Variants in FBN2 observed in about 807,000 individuals in gnomAD.
The protein encoded by FBN2 is fibrillin 2.
Under a neutral mutation model 355.6 loss-of-function variants are expected in FBN2, and 105 were observed. That is an observed-to-expected ratio of 0.30 (90% CI 0.25 to 0.35). FBN2 has a LOEUF of 0.35. Ranked by LOEUF, FBN2 falls within the 10% of genes least tolerant of loss-of-function variation. FBN2 has a pLI of 1.00. For synonymous variants in FBN2, 1,350 were observed against 1,301.2 expected, an observed-to-expected ratio of 1.04 and a Z score of -0.81; for missense variants, 3,280 against 3,758.7, an observed-to-expected ratio of 0.87 and a Z score of 3.33.
At chr5:128,416,697 T>C (rs1440105020) in intron 7 of FBN2, among the ~76,000 whole-genome samples, 1 of 152,196 alleles carries the variant, frequency 6.6e-6, no homozygotes, top group Non-Finnish European at 1.5e-5. Context: ...TTGGCACCTT[T>C]GGTGAAAATC....
intron 17 of FBN2, 126 bp from the exon 18 acceptor site, chr5:128,364,851 C>G: frequency 1.3e-6 from 1 of 799,230 alleles, no homozygotes; most frequent in Non-Finnish European, 2.1e-6. Flanking sequence ...ATTTGCCTGC[C>G]TTTCAGAAAG....
intron 15 of FBN2, among the ~76,000 whole-genome samples, chr5:128,370,871 G>A (rs943107212): frequency 3.3e-5 from 5 of 152,128 alleles, no homozygotes; most frequent in African/African-American, 7.2e-5. Flanking sequence ...GAAAAAGAAA[G>A]TAGCATAACT....
At chr5:128,460,661 T>A (rs1207908805) in intron 6 of FBN2, among the ~76,000 whole-genome samples, 1 of 151,982 alleles carries the variant, frequency 6.6e-6, no homozygotes, top group African/African-American at 2.4e-5. Flanking sequence ...AAAACAAACA[T>A]ACAGACCAAT....
At chr5:128,500,348 A>G (rs959398774) in intron 5 of FBN2, among the ~76,000 whole-genome samples, 8 of 151,222 alleles carry the variant, frequency 5.3e-5, no homozygotes, top group African/African-American at 1.9e-4. Flanking sequence ...AAAACAACAG[A>G]CAAGGAATGA....
intron 5 of FBN2, among the ~76,000 whole-genome samples, chr5:128,488,352 G>A (rs542878601): frequency 2.6e-5 from 4 of 151,998 alleles, no homozygotes; most frequent in Non-Finnish European, 4.4e-5. Flanking sequence ...TGAATTGTCC[G>A]TAAGTTTCAA....
chr5:128,374,610 A>G lies in FBN2; in HGVS notation c.2095+18T>C. 1.2e-6 allele frequency: 2 copies of G among 1,613,828 alleles called. No individual in the cohort carries two copies. Among genetic ancestry groups the G allele is most frequent in the South Asian group, 2.2e-5 (2 of 91,086 alleles). On this transcript the variant is annotated intron_variant, in intron 15 of 64. Transcript: ENST00000262464. ...GATCATTTTGCACAGTGGGGCCATT[A>G]TAAAATGTTTCACTTACCAACACAC...
At chr5:128,448,317 T>G (rs1181904263) in intron 6 of FBN2, among the ~76,000 whole-genome samples, 1 of 152,100 alleles carries the variant, frequency 6.6e-6, no homozygotes, top group African/African-American at 2.4e-5. Flanking sequence ...TTTCTTTTTT[T>G]TTTTTAGACC....
chr5:128,520,118 C>T (rs1391961730), intron 4 of FBN2, among the ~76,000 whole-genome samples: 1 of 152,206 alleles, frequency 6.6e-6, no homozygotes, highest in Non-Finnish European at 1.5e-5. Context: ...AGCACACACT[C>T]TCTTTTGCTC....
At chr5:128,433,760 C>T (rs1281555112) in intron 7 of FBN2, among the ~76,000 whole-genome samples, 1 of 152,190 alleles carries the variant, frequency 6.6e-6, no homozygotes, top group Non-Finnish European at 1.5e-5. Context: ...CCCAACCCTT[C>T]ATTTGTCCTA....
chr5:128,419,595 C>T (rs1265398887), intron 7 of FBN2, among the ~76,000 whole-genome samples: 2 of 151,794 alleles, frequency 1.3e-5, no homozygotes, highest in Non-Finnish European at 2.9e-5. Flanking sequence ...GTGATCACGG[C>T]TTTTGTCTTT....
chr5:128,312,929 C>T, intron 36 of FBN2, 134 bp from the exon 37 acceptor site: 1 of 967,446 alleles, frequency 1.0e-6, no homozygotes, highest in Non-Finnish European at 1.6e-6. Flanking sequence ...TCCTTAAGTA[C>T]CAAGCAATCT....
intron 8 of FBN2, among the ~76,000 whole-genome samples, chr5:128,399,490 TAAAC>T (rs1199771063): frequency 1.3e-5 from 2 of 152,130 alleles, no homozygotes; most frequent in Non-Finnish European, 2.9e-5. Flanking sequence ...GTTTTTTTGA[TAAAC>T]AAAATGTTGA....
chr5:128,497,809 T>C (rs746936522), intron 5 of FBN2, among the ~76,000 whole-genome samples: 1 of 152,176 alleles, frequency 6.6e-6, no homozygotes, highest in Non-Finnish European at 1.5e-5. Context: ...ATAATTCTAG[T>C]TAAGTAACAG....
Position 128,330,615 on chromosome 5 carries a change from C to T in FBN2, c.4303G>A (p.Ala1435Thr). The part of the protein sequence containing the change: ...CVNTPGSYRC[A>T]CSEGFTGDGF... ...TCACCAGTGAAACCTTCGGAGCAGG[C>T]ACAGCGGTATGAGCCCGGGGTATTT... is the stretch of plus-strand genomic sequence containing the variant. The change falls in exon 33 of 65, where the codon GCC (alanine) becomes ACC (threonine). Residue 1435 changes from alanine (A) to threonine (T), a missense_variant. By Grantham distance (58) the Ala-to-Thr change is moderately conservative (BLOSUM62 0). Coordinates refer to ENST00000262464, the MANE Select transcript of FBN2 (RefSeq NM_001999.4). The T allele has an allele frequency of 6.2e-7, 1 of 1,614,026 alleles. No individual in the cohort carries two copies. The highest frequency in any genetic ancestry group is 1.1e-5 in the South Asian group (1 of 91,078).
At chr5:128,310,402 A>ATATATATATAT (rs1475271868) in intron 39 of FBN2, among the ~76,000 whole-genome samples, 2 of 23,306 alleles carry the variant, frequency 8.6e-5, no homozygotes, top group Non-Finnish European at 7.7e-5. Context: ...ATATATATAT[A>ATATATATATAT]TTTTTTTTTT....
intron 39 of FBN2, 41 bp downstream of exon 39, chr5:128,311,259 T>C: frequency 6.2e-7 from 1 of 1,613,082 alleles, no homozygotes; most frequent in Non-Finnish European, 8.5e-7. Flanking sequence ...CCATTTTGTT[T>C]TAAACAGCAC....
chr5:128,413,849 T>C (rs995109941), intron 7 of FBN2, among the ~76,000 whole-genome samples: 1 of 152,218 alleles, frequency 6.6e-6, no homozygotes, highest in African/African-American at 2.4e-5. Context: ...ATATTTGGAA[T>C]ATTCTGTATA....
rs766786574 is a variant in FBN2 at position 128,305,561 on chromosome 5, C to A, written c.5624G>T (p.Arg1875Leu). Residue 1875 changes from arginine to leucine, a missense_variant, in exon 44 of 65, where the codon CGC becomes CTC. Physicochemically the swap from Arg to Leu is moderately radical, Grantham distance 102 (BLOSUM62 -2). Coordinates refer to ENST00000262464, the MANE Select transcript of FBN2 (RefSeq NM_001999.4). ...ADCINSPGSYRCECAAGFKLS... is the reference protein window; with the variant it reads ...ADCINSPGSYLCECAAGFKLS... ...TTTGAAACCCGCGGCACATTCACAG[C>A]GGTAACTACCAGGACTATTGATGCA... 3 of 1,613,838 alleles carry A rather than the reference C, an allele frequency of 1.9e-6. No homozygotes were observed. The highest frequency in any genetic ancestry group is 2.7e-5 in the African/African-American group (2 of 74,888).
rs1753005770 is a variant in FBN2, at chr5:128,409,164, A to G, written c.953-365T>C. 3.9e-5 allele frequency among the ~76,000 whole-genome samples: 6 copies of G among 152,266 alleles called. No individual in the cohort carries two copies. In the South Asian group the frequency reaches 1.2e-3, roughly 32 times the overall value. On this transcript the variant is annotated intron_variant, in intron 7 of 64. Transcript: ENST00000262464. ...AAAACACATACATGGATTACATTTTAAAATATAGAATAACTGTATTTGAAA... is the reference window on the plus strand; with the variant it reads ...AAAACACATACATGGATTACATTTTGAAATATAGAATAACTGTATTTGAAA...
Sources: allele counts gnomAD v4.1 joint callset (sites outside exome capture counted in the v4.1 genomes callset), GRCh38; gene constraint gnomAD v4.1.1; transcripts MANE v1.5; gene names NCBI Gene and HGNC (gene_info 2026-07-23, HGNC 2026-07-21).